The following PHEX variants were observed in gnomAD, a reference collection of about 807,000 sequenced individuals.
PHEX encodes phosphate regulating endopeptidase X-linked.
PHEX carries 16 observed loss-of-function variants against 68.0 expected under a neutral mutation model. The ratio of observed to expected loss-of-function variants is 0.24; its 90% CI spans 0.16 to 0.36. The LOEUF (loss-of-function observed/expected upper bound fraction) is 0.36. Among genes scored for constraint, PHEX ranks in the 10% least tolerant of loss-of-function variants. The pLI is 1.00. For missense variants in PHEX, 480 were observed against 575.5 expected (o/e 0.83, Z 1.70); for synonymous variants, 208 against 205.1 (o/e 1.01, Z -0.12).
chrX:22,134,307 C>T (rs1052916048), intron 12 of PHEX, among the ~76,000 whole-genome samples: 1 of 112,273 alleles, frequency 8.9e-6, no homozygotes, highest in Non-Finnish European at 1.9e-5. Flanking sequence ...AAGTAGAAAA[C>T]GGGCTGGGTG....
At chrX:22,073,587 G>A (rs1356616126) in intron 3 of PHEX, among the ~76,000 whole-genome samples, 1 of 103,696 alleles carries the variant, frequency 9.6e-6, no homozygotes, top group East Asian at 3.1e-4. Context: ...TTGATGATCA[G>A]AAGAACTTCT....
At chrX:22,165,748 A>G (rs964641610) in intron 12 of PHEX, among the ~76,000 whole-genome samples, 5 of 112,151 alleles carry the variant, frequency 4.5e-5, no homozygotes, top group African/African-American at 1.6e-4. Flanking sequence ...TTTTGCTTTT[A>G]TGAAACCCAG....
intron 14 of PHEX, among the ~76,000 whole-genome samples, chrX:22,186,941 C>T (rs894306187): frequency 2.7e-5 from 3 of 111,720 alleles, no homozygotes; most frequent in African/African-American, 9.8e-5. Context: ...TAGGAATACA[C>T]GTTATCTTTT....
At chrX:22,238,090 G>T (rs1042212458) in intron 20 of PHEX, among the ~76,000 whole-genome samples, 1 of 112,059 alleles carries the variant, frequency 8.9e-6, no homozygotes, top group African/African-American at 3.2e-5. Flanking sequence ...TTTGAGACCA[G>T]CCTGGCCAAC....
At chrX:22,094,172 T>G in intron 7 of PHEX, 73 bp downstream of exon 7, 1 of 607,210 alleles carries the variant, frequency 1.6e-6, no homozygotes, top group African/African-American at 2.2e-5. Context: ...TTCCTTTCCT[T>G]TTATTAAAGG....
intron 5 of PHEX, among the ~76,000 whole-genome samples, chrX:22,084,844 G>A (rs1382782175): frequency 2.7e-5 from 3 of 109,975 alleles, no homozygotes; most frequent in East Asian, 5.7e-4. Flanking sequence ...TCTCAGTTGT[G>A]TCTTCTTTTT....
At chrX:22,102,334 C>T (rs1231481560) in intron 9 of PHEX, among the ~76,000 whole-genome samples, 1 of 111,990 alleles carries the variant, frequency 8.9e-6, no homozygotes, top group Non-Finnish European at 1.9e-5. Flanking sequence ...GTTTGTCTTT[C>T]TGTGCCAGGT....
intron 12 of PHEX, among the ~76,000 whole-genome samples, chrX:22,161,019 C>A (rs1243762359): frequency 9.1e-6 from 1 of 109,801 alleles, no homozygotes; most frequent in Non-Finnish European, 1.9e-5. Context: ...CCTGTAATCC[C>A]AGCTACTCGG....
intron 10 of PHEX, among the ~76,000 whole-genome samples, chrX:22,112,867 A>G (rs915032904): frequency 9.0e-6 from 1 of 110,775 alleles, no homozygotes; most frequent in Non-Finnish European, 1.9e-5. Flanking sequence ...GATGGCACCA[A>G]TGCACTCCAG....
intron 20 of PHEX, 146 bp downstream of exon 20, chrX:22,227,757 C>A: frequency 2.0e-6 from 1 of 493,293 alleles, no homozygotes; most frequent in East Asian, 3.7e-5. Context: ...CAGGGTAAAT[C>A]TCATCTTCTT....
chrX:22,163,907 A>G (rs149178795), intron 12 of PHEX, among the ~76,000 whole-genome samples: 7,245 of 111,797 alleles, frequency 0.065, 200 homozygotes, highest in Middle Eastern at 0.1. Flanking sequence ...CCAGCAAGAC[A>G]TTTAATACAG....
chrX:22,041,265 C>CTCTCTATATATATATA (rs1468778300), intron 2 of PHEX, among the ~76,000 whole-genome samples: 10 of 72,807 alleles, frequency 1.4e-4, no homozygotes, highest in Non-Finnish European at 1.9e-4. Context: ...CTCTCTCTCT[C>CTCTCTATATATATATA]TATATATATA....
rs936722686 is a variant in PHEX at position 22,111,475 on chromosome X, C to A, written c.1088C>A (p.Ala363Asp). The change falls in exon 10 of 22, where the codon GCC (alanine) becomes GAC (aspartate). Residue 363 changes from alanine (A) to aspartate (D), a missense_variant. Coordinates refer to ENST00000379374, the MANE Select transcript of PHEX (RefSeq NM_000444.6). ...TCTCTCTCTGTTAACAGGACCATTG[C>A]CAACTATTTGGTGTGGAGAATGGTT... ...ILGSERKKTI[A>D]NYLVWRMVYS... The A allele has an allele frequency of 8.3e-7, 1 of 1,204,500 alleles. No homozygotes were observed. The highest frequency in any genetic ancestry group is 1.1e-6 in the Non-Finnish European group (1 of 888,687).
Position 22,190,483 on chromosome X carries a change from T to C in PHEX, c.1626T>C (p.Ser542=), listed in dbSNP as rs752810184. ...CGACGACTGTCAATGCCTTCTACAGTGCATCCACCAACCAGATCCGTGAGT... is the reference window on the plus strand; with the variant it reads ...CGACGACTGTCAATGCCTTCTACAGCGCATCCACCAACCAGATCCGTGAGT... ...TNPTTVNAFY[S]ASTNQIRFPA... The change falls in exon 15 of 22, where the codon AGT becomes AGC. Residue 542 remains serine, a synonymous_variant. Coordinates refer to ENST00000379374, the MANE Select transcript of PHEX (RefSeq NM_000444.6). 24 of 1,192,774 alleles carry C rather than the reference T, an allele frequency of 2.0e-5. No homozygotes were observed. The African/African-American group carries it at 4.0e-4, about 20-fold the overall frequency.
intron 9 of PHEX, among the ~76,000 whole-genome samples, chrX:22,105,038 G>A (rs1439270903): frequency 8.9e-6 from 1 of 112,278 alleles, no homozygotes; most frequent in African/African-American, 3.2e-5. Context: ...AGGATGACCT[G>A]GAAAATGTGC....
At chrX:22,170,618 T>C (rs754634587) in intron 13 of PHEX, among the ~76,000 whole-genome samples, 18 of 112,344 alleles carry the variant, frequency 1.6e-4, no homozygotes, top group South Asian at 3.7e-4. Context: ...TAGTGAACTA[T>C]TTTGGTTTGA....
chrX:22,090,164 C>A (rs1230983585), intron 5 of PHEX, among the ~76,000 whole-genome samples: 1 of 112,098 alleles, frequency 8.9e-6, no homozygotes, highest in Non-Finnish European at 1.9e-5. Flanking sequence ...ACTGAAATAG[C>A]CTTGTTGTTA....
intron 12 of PHEX, among the ~76,000 whole-genome samples, chrX:22,141,723 C>A (rs1398783853): frequency 1.8e-5 from 2 of 111,749 alleles, no homozygotes; most frequent in Middle Eastern, 4.7e-3. Flanking sequence ...AATCTATGCT[C>A]ATTTAAAAAA....
At chrX:22,102,361 A>G (rs1930468736) in intron 9 of PHEX, among the ~76,000 whole-genome samples, 1 of 112,164 alleles carries the variant, frequency 8.9e-6, no homozygotes, top group Admixed American at 9.4e-5. Flanking sequence ...ACTTAACATT[A>G]TGATCTCCAG....
Sources: gnomAD v4.1 joint callset for allele counts (sites outside exome capture counted in the v4.1 genomes callset) on GRCh38, gnomAD v4.1.1 for gene constraint, MANE v1.5 for transcripts, NCBI Gene and HGNC (gene_info 2026-07-23, HGNC 2026-07-21) for gene names.